GRIA1: variants seen among roughly 807,000 people sequenced by gnomAD.
GRIA1 encodes the protein glutamate receptor 1.
A neutral mutation model predicts 99.2 loss-of-function variants in GRIA1; 31 were observed. The observed-to-expected ratio is 0.31, with a 90% CI of 0.23 to 0.42. The LOEUF (loss-of-function observed/expected upper bound fraction) is 0.42, where lower values mean the gene tolerates loss of function less well. GRIA1 is among the 10% of genes least tolerant of loss of function. GRIA1 has a pLI of 1.00. For missense variants in GRIA1, 782 were observed against 1,157.5 expected, an observed-to-expected ratio of 0.68 and a Z score of 4.71; for synonymous variants, 438 against 432.4, an observed-to-expected ratio of 1.01 and a Z score of -0.16.
chr5:153,581,364 G>T (rs189431986), intron 2 of GRIA1, among the ~76,000 whole-genome samples: 42 of 152,286 alleles, frequency 2.8e-4, no homozygotes, highest in Non-Finnish European at 1.3e-4. Context: ...ATGGTAGCCT[G>T]ATCTGACCTT....
chr5:153,769,312 T>G (rs1380886368), intron 12 of GRIA1, among the ~76,000 whole-genome samples: 1 of 152,160 alleles, frequency 6.6e-6, no homozygotes, highest in Non-Finnish European at 1.5e-5. Context: ...TCTCTAGATT[T>G]AGAGCTAGGG....
intron 2 of GRIA1, among the ~76,000 whole-genome samples, chr5:153,547,892 G>T (rs1469667271): frequency 6.6e-6 from 1 of 152,128 alleles, no homozygotes; most frequent in South Asian, 2.1e-4. Flanking sequence ...CCAGGAGTCA[G>T]GTATAGAGGG....
At chr5:153,666,987 T>A (rs1308050230) in intron 5 of GRIA1, among the ~76,000 whole-genome samples, 3 of 152,060 alleles carry the variant, frequency 2.0e-5, no homozygotes, top group Non-Finnish European at 4.4e-5. Flanking sequence ...GGCTGATAAT[T>A]CCCACTTTTA....
At chr5:153,573,833 G>A (rs1173643569) in intron 2 of GRIA1, among the ~76,000 whole-genome samples, 5 of 152,164 alleles carry the variant, frequency 3.3e-5, no homozygotes, top group Non-Finnish European at 5.9e-5. Flanking sequence ...CCAAATGCTC[G>A]TGAGGCCTGG....
intron 11 of GRIA1, among the ~76,000 whole-genome samples, chr5:153,761,197 T>C (rs1053326281): frequency 4.6e-5 from 7 of 152,066 alleles, no homozygotes; most frequent in African/African-American, 1.7e-4. Flanking sequence ...ACTAAAAAGC[T>C]TCAGCATGGC....
chr5:153,621,126 T>A (rs1397711073), intron 2 of GRIA1, among the ~76,000 whole-genome samples: 1 of 152,230 alleles, frequency 6.6e-6, no homozygotes, highest in African/African-American at 2.4e-5. Flanking sequence ...ATGTAAATTG[T>A]ATTATATACT....
intron 2 of GRIA1, among the ~76,000 whole-genome samples, chr5:153,541,757 C>T (rs954641856): frequency 1.3e-5 from 2 of 151,850 alleles, no homozygotes; most frequent in South Asian, 2.1e-4. Context: ...TAGTGAAACC[C>T]CATCTCTACT....
chr5:153,680,050 C>G (rs2149490902), intron 7 of GRIA1, among the ~76,000 whole-genome samples: 1 of 152,208 alleles, frequency 6.6e-6, no homozygotes, highest in South Asian at 2.1e-4. Flanking sequence ...TATAAAACTT[C>G]CCAAAGTTAT....
At chr5:153,519,737 C>T (rs1036104922) in intron 2 of GRIA1, among the ~76,000 whole-genome samples, 1 of 152,128 alleles carries the variant, frequency 6.6e-6, no homozygotes, top group Middle Eastern at 3.2e-3. Context: ...ATCATCAAGT[C>T]TCTCTGTAGG....
intron 11 of GRIA1, among the ~76,000 whole-genome samples, chr5:153,740,058 A>G (rs535375081): frequency 2.4e-4 from 36 of 152,340 alleles, no homozygotes; most frequent in African/African-American, 8.4e-4. Context: ...GCAAATCCCT[A>G]TTGATACACT....
At chr5:153,729,666 C>T (rs1485313657) in intron 11 of GRIA1, among the ~76,000 whole-genome samples, 3 of 152,076 alleles carry the variant, frequency 2.0e-5, no homozygotes, top group Admixed American at 2.0e-4. Context: ...CCTGTTTATA[C>T]TGAAATGATA....
intron 11 of GRIA1, among the ~76,000 whole-genome samples, chr5:153,713,453 G>A (rs1006046269): frequency 6.6e-6 from 1 of 152,220 alleles, no homozygotes; most frequent in Non-Finnish European, 1.5e-5. Flanking sequence ...CAGATCAGTG[G>A]CTCCTACTTT....
intron 11 of GRIA1, among the ~76,000 whole-genome samples, chr5:153,708,446 A>C (rs12655494): frequency 6.6e-6 from 1 of 151,952 alleles, no homozygotes; most frequent in East Asian, 1.9e-4. Flanking sequence ...GAGGAGACTG[A>C]ACAACATATC....
intron 2 of GRIA1, among the ~76,000 whole-genome samples, chr5:153,531,317 T>C (rs1476414814): frequency 6.6e-6 from 1 of 152,152 alleles, no homozygotes; most frequent in Non-Finnish European, 1.5e-5. Context: ...TTCTAGACCA[T>C]GGGCCTTCCT....
chr5:153,788,218 T>A (rs2149649910), intron 13 of GRIA1, among the ~76,000 whole-genome samples: 1 of 152,296 alleles, frequency 6.6e-6, no homozygotes, highest in East Asian at 1.9e-4. Flanking sequence ...AGCTCGAATC[T>A]TTCCTTCAAT....
At chr5:153,786,963 G>A (rs1167794058) in intron 13 of GRIA1, among the ~76,000 whole-genome samples, 3 of 152,148 alleles carry the variant, frequency 2.0e-5, no homozygotes, top group Non-Finnish European at 4.4e-5. Context: ...AATTCCAAAG[G>A]TCATTTCATC....
chr5:153,571,724 A>G (rs1762135662), intron 2 of GRIA1, among the ~76,000 whole-genome samples: 1 of 152,144 alleles, frequency 6.6e-6, no homozygotes, highest in Non-Finnish European at 1.5e-5. Flanking sequence ...TCAAATTTAC[A>G]TATAAATTTT....
chr5:153,750,760 A>G (rs1266237150), intron 11 of GRIA1, among the ~76,000 whole-genome samples: 5 of 152,190 alleles, frequency 3.3e-5, no homozygotes, highest in Non-Finnish European at 5.9e-5. Context: ...TTAATTCTTA[A>G]GAATACCTGT....
intron 2 of GRIA1, among the ~76,000 whole-genome samples, chr5:153,558,712 T>C (rs1368707807): frequency 1.3e-5 from 2 of 152,232 alleles, no homozygotes; most frequent in Non-Finnish European, 2.9e-5. Flanking sequence ...TACATAGTTT[T>C]TTATGTGAAC....
Sources: allele counts gnomAD v4.1 joint callset (sites outside exome capture counted in the v4.1 genomes callset), GRCh38; gene constraint gnomAD v4.1.1; transcripts MANE v1.5; gene names NCBI Gene and HGNC (gene_info 2026-07-23, HGNC 2026-07-21).